SLC8A1: variants seen among roughly 807,000 people sequenced by gnomAD.
SLC8A1 encodes sodium/calcium exchanger 1.
SLC8A1 carries 18 observed loss-of-function variants against 68.3 expected under a neutral mutation model. The ratio of observed to expected loss-of-function variants is 0.26; its 90% confidence interval spans 0.18 to 0.39. The LOEUF (loss-of-function observed/expected upper bound fraction) is 0.39, where lower values mean the gene tolerates loss of function less well. Among genes scored for constraint, SLC8A1 ranks in the 10% least tolerant of loss-of-function variants. The probability of loss-of-function intolerance (pLI) is 1.00; values close to 1 mark genes in which losing one functional copy is unlikely to be tolerated. For synonymous variants in SLC8A1, 475 were observed against 415.5 expected (o/e 1.14, Z -1.74); for missense variants, 985 against 1,156.7 (o/e 0.85, Z 2.15).
At chr2:40,362,936 ACAGTTTATCTAG>A (rs1675030883) in intron 2 of SLC8A1, among the ~76,000 whole-genome samples, 1 of 152,140 alleles carries the variant, frequency 6.6e-6, no homozygotes, top group Non-Finnish European at 1.5e-5. Context: ...CCCATGCAAT[ACAGTTTATCTAG>A]CCCCTTAGTT....
rs577183100 is a variant in SLC8A1, at chr2:40,383,006, T to C, written c.1808+45467A>G. ...ACAACCTGTCTTATGGCATTTATTG[T>C]TGACATATAAATGTGGCACATAGTG... On this transcript the variant is annotated intron_variant, in intron 2 of 7. Coordinates refer to ENST00000406785, the Ensembl canonical transcript of SLC8A1. 4.6e-5 allele frequency among the ~76,000 whole-genome samples: 7 copies of C among 152,240 alleles called. No homozygotes were observed. The South Asian group carries it at 1.4e-3, about 32-fold the overall frequency.
intron 2 of SLC8A1, among the ~76,000 whole-genome samples, chr2:40,424,760 A>G (rs948742530): frequency 3.3e-5 from 5 of 151,888 alleles, no homozygotes; most frequent in South Asian, 2.1e-4. Flanking sequence ...CTTTAAATAT[A>G]TAATACTAAA....
At chr2:40,123,930 G>T (rs1054831973) in intron 7 of SLC8A1, among the ~76,000 whole-genome samples, 2 of 152,106 alleles carry the variant, frequency 1.3e-5, no homozygotes, top group East Asian at 3.9e-4. Flanking sequence ...CCTCTGACTC[G>T]CTTCTCCTCC....
chr2:40,226,362 C>A (rs985665300), intron 2 of SLC8A1, among the ~76,000 whole-genome samples: 1 of 152,136 alleles, frequency 6.6e-6, no homozygotes, highest in East Asian at 1.9e-4. Context: ...TGCAAACTTC[C>A]ATGACTTCTA....
intron 2 of SLC8A1, among the ~76,000 whole-genome samples, chr2:40,294,602 A>C (rs2069985914): frequency 6.6e-6 from 1 of 152,176 alleles, no homozygotes; most frequent in Middle Eastern, 3.2e-3. Context: ...GGTCTAGAAG[A>C]ATCTGTTCAA....
intron 2 of SLC8A1, among the ~76,000 whole-genome samples, chr2:40,322,546 C>T (rs1337953158): frequency 1.3e-5 from 2 of 148,910 alleles, no homozygotes; most frequent in Non-Finnish European, 3.0e-5. Context: ...CATGGTGGTG[C>T]ACACCTTTAG....
At chr2:40,129,263 ACT>A (rs1255383945) in intron 7 of SLC8A1, among the ~76,000 whole-genome samples, 2 of 149,690 alleles carry the variant, frequency 1.3e-5, no homozygotes, top group African/African-American at 2.5e-5. Flanking sequence ...ACAGTGTCAC[ACT>A]CTGTCACTGA....
Position 40,170,196 on chromosome 2 carries a change from G to A in SLC8A1, c.1930+4629C>T. On this transcript the variant is annotated intron_variant, in intron 4 of 7. Coordinates refer to ENST00000406785, the Ensembl canonical transcript of SLC8A1. ...TTTAGCAATGTTTTACAGAGGAGAG[G>A]GGCTAAAATGCATGACTGTAATGTC... 41 of 1,171,290 alleles carry A rather than the reference G, an allele frequency of 3.5e-5. 1 individual carries two copies. The South Asian group carries it at 4.2e-4, about 12-fold the overall frequency. 72.6% of individuals were successfully genotyped at this position (1,171,290 alleles called of 1,614,324 possible).
chr2:40,398,532 T>C (rs560294877), intron 2 of SLC8A1, among the ~76,000 whole-genome samples: 2 of 152,322 alleles, frequency 1.3e-5, no homozygotes, highest in Middle Eastern at 3.4e-3. Context: ...TATCATACCA[T>C]TAAGGTGACC....
intron 2 of SLC8A1, among the ~76,000 whole-genome samples, chr2:40,187,462 C>CGACAGT (rs1288017834): frequency 6.6e-6 from 1 of 152,138 alleles, no homozygotes; most frequent in African/African-American, 2.4e-5. Context: ...CAAGAGACAG[C>CGACAGT]GACAGCTAAA....
At chr2:40,409,357 G>C (rs1036675838) in intron 2 of SLC8A1, among the ~76,000 whole-genome samples, 1 of 152,052 alleles carries the variant, frequency 6.6e-6, no homozygotes, top group East Asian at 1.9e-4. Context: ...CAGGATTTCT[G>C]CCCTGCATTA....
At chr2:40,385,972 A>G (rs1683424742) in intron 2 of SLC8A1, among the ~76,000 whole-genome samples, 1 of 85,640 alleles carries the variant, frequency 1.2e-5, no homozygotes, top group African/African-American at 8.1e-5. Context: ...CTGAATTATA[A>G]TAGGTGATTT....
At chr2:40,294,388 T>C (rs1455101872) in intron 2 of SLC8A1, among the ~76,000 whole-genome samples, 1 of 152,136 alleles carries the variant, frequency 6.6e-6, no homozygotes, top group African/African-American at 2.4e-5. Context: ...ACTTTAAAGA[T>C]AAGGTAAAGT....
chr2:40,171,125 T>C (rs536378267), intron 4 of SLC8A1, among the ~76,000 whole-genome samples: 3 of 152,238 alleles, frequency 2.0e-5, no homozygotes, highest in Non-Finnish European at 4.4e-5. Context: ...CTCTGCCATA[T>C]GCTTGTCATC....
intron 2 of SLC8A1, among the ~76,000 whole-genome samples, chr2:40,293,815 T>A (rs2069793075): frequency 6.6e-6 from 1 of 152,042 alleles, no homozygotes; most frequent in East Asian, 1.9e-4. Flanking sequence ...TATGGTATAT[T>A]CATTTACATA....
chr2:40,339,061 C>A (rs1666903419), intron 2 of SLC8A1, among the ~76,000 whole-genome samples: 1 of 152,188 alleles, frequency 6.6e-6, no homozygotes, highest in Admixed American at 6.5e-5. Context: ...CAACTCAGAT[C>A]ACATAAACCT....
At chr2:40,214,149 C>T (rs992025607) in intron 2 of SLC8A1, among the ~76,000 whole-genome samples, 5 of 152,172 alleles carry the variant, frequency 3.3e-5, no homozygotes, top group South Asian at 2.1e-4. Flanking sequence ...TATGAATATG[C>T]ACACACATGC....
intron 2 of SLC8A1, among the ~76,000 whole-genome samples, chr2:40,418,365 A>C (rs1306556105): frequency 6.6e-6 from 1 of 152,182 alleles, no homozygotes; most frequent in African/African-American, 2.4e-5. Flanking sequence ...AGCATCCCAG[A>C]AACAACCCAC....
chr2:40,313,912 A>AATATTCTG (rs2074086575), intron 2 of SLC8A1, among the ~76,000 whole-genome samples: 1 of 151,836 alleles, frequency 6.6e-6, no homozygotes, highest in African/African-American at 2.4e-5. Context: ...GCATTAATTA[A>AATATTCTG]ATATTCTGAT....
Sources: allele counts gnomAD v4.1 joint callset (sites outside exome capture counted in the v4.1 genomes callset), GRCh38; gene constraint gnomAD v4.1.1; transcripts MANE v1.5; gene names NCBI Gene and HGNC (gene_info 2026-07-23, HGNC 2026-07-21).